The following CACNA1A variants were observed in gnomAD, a reference collection of about 807,000 sequenced individuals.
The protein encoded by CACNA1A is voltage-dependent P/Q-type calcium channel subunit alpha-1A.
CACNA1A carries 57 observed loss-of-function variants against 262.4 expected under a neutral mutation model. The observed-to-expected ratio is 0.22, with a 90% CI of 0.18 to 0.27. The LOEUF is 0.27. Ranked by LOEUF, CACNA1A falls within the 10% of genes least tolerant of loss-of-function variation. The pLI, the probability that CACNA1A is intolerant of heterozygous loss-of-function variation, is 1.00. For synonymous variants in CACNA1A, 1,431 were observed against 1,419.3 expected (o/e 1.01, Z -0.18); for missense variants, 2,526 against 3,562.8 (o/e 0.71, Z 7.41).
intron 10 of CACNA1A, among the ~76,000 whole-genome samples, chr19:13,325,068 C>CTCTTCT (rs1414056006): frequency 1.3e-4 from 18 of 143,786 alleles, no homozygotes; most frequent in African/African-American, 3.6e-4. Context: ...CCCCTTCCTC[C>CTCTTCT]TCCTCTTCTT....
chr19:13,395,868 G>A (rs989652749), intron 3 of CACNA1A, among the ~76,000 whole-genome samples: 3 of 152,092 alleles, frequency 2.0e-5, no homozygotes, highest in East Asian at 3.9e-4. Context: ...TCCCATACCC[G>A]GAAGAAATGC....
At chr19:13,371,890 G>A in intron 3 of CACNA1A, 111 bp from the exon 4 acceptor site, 1 of 772,756 alleles carries the variant, frequency 1.3e-6, no homozygotes, top group South Asian at 1.5e-5. Flanking sequence ...GTGACCACAG[G>A]CAGGTGACTC....
intron 30 of CACNA1A, among the ~76,000 whole-genome samples, chr19:13,251,460 G>C (rs1297141964): frequency 1.3e-5 from 2 of 152,150 alleles, no homozygotes; most frequent in Admixed American, 1.3e-4. Flanking sequence ...TCCAGCCTGG[G>C]CAACAGCGAG....
intron 1 of CACNA1A, among the ~76,000 whole-genome samples, chr19:13,491,887 A>C (rs1197743729): frequency 6.6e-6 from 1 of 152,186 alleles, no homozygotes; most frequent in Non-Finnish European, 1.5e-5. Flanking sequence ...AGAGGCGCAC[A>C]CACACTATTG....
At chr19:13,360,851 A>G (rs1373176128) in intron 5 of CACNA1A, among the ~76,000 whole-genome samples, 1 of 152,246 alleles carries the variant, frequency 6.6e-6, no homozygotes, top group Non-Finnish European at 1.5e-5. Flanking sequence ...GTTAATCTGC[A>G]AACACTTTTA....
rs1555766588 is a variant in CACNA1A, at chr19:13,330,322, T to A, written c.1267A>T (p.Thr423Ser). 6.4e-7 allele frequency: 1 copy of A among 1,562,276 alleles called. No homozygotes were observed. The highest frequency in any genetic ancestry group is 8.7e-7 in the Non-Finnish European group (1 of 1,152,218). ...QRHPFDALRR[T>S]TIKKSKTDLL... Reference sequence around the variant, plus strand: ...TCTGTCTTGCTTTTCTTTATGGTGGTTCTCCGCAGAGCTCCAACAATGGAA... The same window carrying A: ...TCTGTCTTGCTTTTCTTTATGGTGGATCTCCGCAGAGCTCCAACAATGGAA... The change falls in exon 10 of 47, where the codon ACC becomes TCC. Residue 423 changes from threonine (T) to serine (S), a missense_variant. Physicochemically the swap from Thr to Ser is moderately conservative, Grantham distance 58 (BLOSUM62 1). Coordinates refer to ENST00000360228, the MANE Select transcript of CACNA1A (RefSeq NM_001127222.2).
chr19:13,439,171 C>T (rs142800218), intron 3 of CACNA1A, among the ~76,000 whole-genome samples: 100 of 148,170 alleles, frequency 6.7e-4, no homozygotes, highest in African/African-American at 2.3e-3. Context: ...TGCAGTGGTG[C>T]GATCTTGGCT....
At chr19:13,428,542 G>A (rs2060445338) in intron 3 of CACNA1A, among the ~76,000 whole-genome samples, 1 of 152,070 alleles carries the variant, frequency 6.6e-6, no homozygotes, top group African/African-American at 2.4e-5. Flanking sequence ...CTACCCTGGA[G>A]CAGGCCCCCT....
chr19:13,284,760 ATTTATGACAAATTTATTTGTTG>A (rs989023507), intron 21 of CACNA1A, among the ~76,000 whole-genome samples: 7 of 152,168 alleles, frequency 4.6e-5, no homozygotes, highest in Non-Finnish European at 8.8e-5. Flanking sequence ...AGATTTGTTT[ATTTATGACAAATTTATTTGTTG>A]TTTAGGACAA....
chr19:13,208,059 C>A lies in CACNA1A; in HGVS notation c.6781-6G>T. ...CCACTTACGGAACTACTGCCCTACA[C>A]GAAAATTGAAACAAAGGAAATCAAA... is the stretch of plus-strand genomic sequence containing the variant. On this transcript the variant is annotated splice_polypyrimidine_tract_variant and splice_region_variant and intron_variant, in intron 46 of 46. Transcript: ENST00000360228. 7.9e-7 allele frequency: 1 copy of A among 1,264,212 alleles called. No individual in the cohort carries two copies. The highest frequency in any genetic ancestry group is 9.9e-7 in the Non-Finnish European group (1 of 1,008,508). The allele number at this position is 1,264,212 out of a possible 1,614,324, so 78.3% of individuals were successfully genotyped here.
chr19:13,210,245 G>T (rs114499451), intron 44 of CACNA1A, among the ~76,000 whole-genome samples: 1 of 152,206 alleles, frequency 6.6e-6, no homozygotes, highest in Non-Finnish European at 1.5e-5. Context: ...CCAGCTGAGC[G>T]CTGGTGGCCC....
Position 13,506,233 on chromosome 19 carries a change from G to A in CACNA1A, c.-9C>T, listed in dbSNP as rs1316440848. 10 of 1,457,812 alleles carry A rather than the reference G, an allele frequency of 6.9e-6. No individual in the cohort carries two copies. Among genetic ancestry groups the A allele is most frequent in the Non-Finnish European group, 8.1e-6 (9 of 1,115,520 alleles). The allele number at this position is 1,457,812 out of a possible 1,614,324, so 90.3% of individuals were successfully genotyped here. On this transcript the variant is annotated 5_prime_UTR_variant, in exon 1 of 47. Transcript: ENST00000360228. ...TCTCCGAAGCGGGCCATTCTGCAAAGAGCAAAGGGCTCCGGGTTACGCTGC... is the reference window on the plus strand; with the variant it reads ...TCTCCGAAGCGGGCCATTCTGCAAAAAGCAAAGGGCTCCGGGTTACGCTGC...
chr19:13,429,531 C>CA (rs35308275), intron 3 of CACNA1A, among the ~76,000 whole-genome samples: 11,658 of 56,856 alleles, frequency 0.21, 1,008 homozygotes, highest in East Asian at 0.3. Context: ...TCAAAGCGTC[C>CA]AAAAAAAAAA....
chr19:13,263,462 C>T (rs756087538), intron 24 of CACNA1A: 1 of 152,604 alleles, frequency 6.6e-6, no homozygotes, highest in Non-Finnish European at 1.5e-5. Context: ...AGCCACTACA[C>T]CTGGTCACAG....
intron 3 of CACNA1A, among the ~76,000 whole-genome samples, chr19:13,399,288 T>C (rs1227991408): frequency 6.6e-6 from 1 of 152,062 alleles, no homozygotes; most frequent in Non-Finnish European, 1.5e-5. Flanking sequence ...AATTAAAATG[T>C]GAATCACAGC....
chr19:13,444,392 C>A, intron 3 of CACNA1A, among the ~76,000 whole-genome samples: 1 of 152,120 alleles, frequency 6.6e-6, no homozygotes, highest in East Asian at 1.9e-4. Context: ...CAACTAAGAG[C>A]AGGTGCATGG....
intron 3 of CACNA1A, among the ~76,000 whole-genome samples, chr19:13,394,743 C>A (rs2059780374): frequency 6.6e-6 from 1 of 152,090 alleles, no homozygotes; most frequent in African/African-American, 2.4e-5. Flanking sequence ...AAAACAATAC[C>A]CCAAAATGAA....
At chr19:13,400,735 C>G (rs1428984546) in intron 3 of CACNA1A, among the ~76,000 whole-genome samples, 1 of 152,146 alleles carries the variant, frequency 6.6e-6, no homozygotes, top group African/African-American at 2.4e-5. Flanking sequence ...TAAGTTGAGG[C>G]AGTGCACAGG....
At chr19:13,502,872 C>T (rs1398773252) in intron 1 of CACNA1A, among the ~76,000 whole-genome samples, 1 of 152,188 alleles carries the variant, frequency 6.6e-6, no homozygotes, top group African/African-American at 2.4e-5. Flanking sequence ...AAGTAGCACT[C>T]TTAGGCCCTG....
Sources: allele counts gnomAD v4.1 joint callset (sites outside exome capture counted in the v4.1 genomes callset), GRCh38; gene constraint gnomAD v4.1.1; transcripts MANE v1.5; gene names NCBI Gene and HGNC (gene_info 2026-07-23, HGNC 2026-07-21).